Variants in RAP1GDS1 observed in about 807,000 individuals in gnomAD.
RAP1GDS1 encodes the protein Rap1 GTPase-GDP dissociation stimulator 1.
Under a neutral mutation model 71.1 loss-of-function variants are expected in RAP1GDS1, and 35 were observed. The ratio of observed to expected loss-of-function variants is 0.49; its 90% CI spans 0.38 to 0.65. The LOEUF (loss-of-function observed/expected upper bound fraction) is 0.65, where lower values mean the gene tolerates loss of function less well. Ranked by LOEUF, RAP1GDS1 falls within the 30% of genes least tolerant of loss-of-function variation. The probability of loss-of-function intolerance (pLI) is 0.00; values close to 1 mark genes in which losing one functional copy is unlikely to be tolerated. For missense variants in RAP1GDS1, 663 were observed against 706.1 expected, an observed-to-expected ratio of 0.94 and a Z score of 0.69; for synonymous variants, 229 against 243.1, an observed-to-expected ratio of 0.94 and a Z score of 0.54.
chr4:98,343,910 A>G (rs888482609), intron 3 of RAP1GDS1, among the ~76,000 whole-genome samples: 2 of 152,218 alleles, frequency 1.3e-5, no homozygotes, highest in African/African-American at 2.4e-5. Flanking sequence ...ATGTTTAAGC[A>G]TATAAGAAGG....
intron 1 of RAP1GDS1, among the ~76,000 whole-genome samples, chr4:98,285,352 G>C (rs1172892992): frequency 6.6e-6 from 1 of 152,100 alleles, no homozygotes. Context: ...CTAGCAGCCA[G>C]GAAAGAAATG....
intron 12 of RAP1GDS1, among the ~76,000 whole-genome samples, chr4:98,431,931 G>T (rs1398531591): frequency 6.6e-6 from 1 of 152,054 alleles, no homozygotes; most frequent in African/African-American, 2.4e-5. Context: ...GAGAGGGCAG[G>T]AATTTTTTTT....
chr4:98,325,550 A>C (rs1456970662), intron 2 of RAP1GDS1, among the ~76,000 whole-genome samples: 2 of 151,184 alleles, frequency 1.3e-5, no homozygotes, highest in African/African-American at 4.9e-5. Flanking sequence ...AGACTGGATT[A>C]AGAAAATGTG....
Position 98,443,027 on chromosome 4 carries a change from T to TTTTTTTTTTTTTTTTTTTTTTTTC in RAP1GDS1, c.*921_*922insTTTTTTTTTTTTCTTTTTTTTTTT. Reference sequence around the variant, plus strand: ...ATTGAAGAATGGAATTTTTTTTTTTTTTTTTTTTTTTGCTGTTTTTCATCA... The same window carrying TTTTTTTTTTTTTTTTTTTTTTTTC: ...ATTGAAGAATGGAATTTTTTTTTTTTTTTTTTTTTTTTTTTTTTTTTTTCTTTTTTTTTTTGCTGTTTTTCATCA... On this transcript the variant is annotated 3_prime_UTR_variant, in exon 15 of 15. Transcript: ENST00000408927. The TTTTTTTTTTTTTTTTTTTTTTTTC allele has an allele frequency of 4.6e-6, 1 of 216,684 alleles. No individual in the cohort carries two copies. Among genetic ancestry groups the TTTTTTTTTTTTTTTTTTTTTTTTC allele is most frequent in the African/African-American group, 2.3e-5 (1 of 43,408 alleles). The allele number at this position is 216,684 out of a possible 1,614,324, so 13.4% of individuals were successfully genotyped here.
chr4:98,379,911 TA>T (rs1268445617), intron 5 of RAP1GDS1, among the ~76,000 whole-genome samples: 1 of 151,896 alleles, frequency 6.6e-6, no homozygotes, highest in Non-Finnish European at 1.5e-5. Context: ...GTTTGTTTCA[TA>T]ATGGCATTTT....
At chr4:98,349,004 A>G (rs1028289424) in intron 3 of RAP1GDS1, among the ~76,000 whole-genome samples, 1 of 151,886 alleles carries the variant, frequency 6.6e-6, no homozygotes, top group African/African-American at 2.4e-5. Flanking sequence ...GGTTTTTGTT[A>G]CCATTGCTTT....
chr4:98,427,784 G>T (rs1214401584), intron 12 of RAP1GDS1, among the ~76,000 whole-genome samples: 5 of 152,044 alleles, frequency 3.3e-5, no homozygotes, highest in Admixed American at 3.3e-4. Context: ...TGACCATACT[G>T]CCAAAAGCAA....
At chr4:98,418,936 C>T in intron 10 of RAP1GDS1, 145 bp downstream of exon 10, 3 of 854,244 alleles carry the variant, frequency 3.5e-6, no homozygotes, top group Non-Finnish European at 4.9e-6. Context: ...TTTTTTCATG[C>T]TAATAAATGG....
At chr4:98,284,723 G>A (rs186776454) in intron 1 of RAP1GDS1, among the ~76,000 whole-genome samples, 3 of 152,248 alleles carry the variant, frequency 2.0e-5, no homozygotes, top group South Asian at 2.1e-4. Context: ...TGCTGCTTCC[G>A]CTCTGATTGT....
At chr4:98,423,437 T>C (rs1749160684) in intron 12 of RAP1GDS1, among the ~76,000 whole-genome samples, 1 of 152,246 alleles carries the variant, frequency 6.6e-6, no homozygotes, top group Admixed American at 6.5e-5. Flanking sequence ...CAAGTTAAGA[T>C]ATATGGACTT....
At chr4:98,358,415 T>G (rs1038802570) in intron 4 of RAP1GDS1, among the ~76,000 whole-genome samples, 1 of 152,022 alleles carries the variant, frequency 6.6e-6, no homozygotes, top group Non-Finnish European at 1.5e-5. Context: ...AGTGTGTTGT[T>G]TTTTGGTGGT....
intron 1 of RAP1GDS1, among the ~76,000 whole-genome samples, chr4:98,267,292 G>GTAT (rs1317882169): frequency 6.6e-6 from 1 of 152,044 alleles, no homozygotes; most frequent in African/African-American, 2.4e-5. Context: ...AGGAGGATTG[G>GTAT]TATTAGTTCC....
At chr4:98,326,129 T>G (rs1733037822) in intron 2 of RAP1GDS1, among the ~76,000 whole-genome samples, 1 of 150,926 alleles carries the variant, frequency 6.6e-6, no homozygotes, top group Admixed American at 6.7e-5. Flanking sequence ...AGTGCTTTGG[T>G]TTGATATTTC....
intron 4 of RAP1GDS1, among the ~76,000 whole-genome samples, chr4:98,367,526 C>T (rs1253734248): frequency 6.6e-6 from 1 of 152,212 alleles, no homozygotes; most frequent in Non-Finnish European, 1.5e-5. Context: ...CCATCAACAG[C>T]TTGCACCAGG....
intron 2 of RAP1GDS1, among the ~76,000 whole-genome samples, chr4:98,308,682 G>A (rs533962156): frequency 9.5e-4 from 144 of 152,008 alleles, no homozygotes; most frequent in Non-Finnish European, 1.7e-3. Context: ...TTGAATCAAG[G>A]TCATGCAGTA....
chr4:98,305,167 A>G (rs1052203400), intron 2 of RAP1GDS1, among the ~76,000 whole-genome samples: 10 of 152,102 alleles, frequency 6.6e-5, no homozygotes, highest in African/African-American at 2.4e-4. Flanking sequence ...TTTTGATTCC[A>G]TATGAATTTT....
intron 12 of RAP1GDS1, 144 bp from the exon 13 acceptor site, chr4:98,433,792 T>C (rs1354394285): frequency 4.3e-6 from 3 of 698,992 alleles, no homozygotes; most frequent in Non-Finnish European, 6.5e-6. Context: ...CCTTTTCTTC[T>C]GTGGAGAAAA....
chr4:98,265,159 C>T (rs973267418), intron 1 of RAP1GDS1, among the ~76,000 whole-genome samples: 2 of 151,990 alleles, frequency 1.3e-5, no homozygotes, highest in Non-Finnish European at 2.9e-5. Context: ...GGAGTTTGGA[C>T]GAAAATGTTT....
chr4:98,270,565 A>G (rs1280280116), intron 1 of RAP1GDS1, among the ~76,000 whole-genome samples: 2 of 152,204 alleles, frequency 1.3e-5, no homozygotes, highest in Admixed American at 6.5e-5. Flanking sequence ...GCTTCTATTT[A>G]TATAGCTTTT....
Sources: allele counts gnomAD v4.1 joint callset (sites outside exome capture counted in the v4.1 genomes callset), GRCh38; gene constraint gnomAD v4.1.1; transcripts MANE v1.5; gene names NCBI Gene and HGNC (gene_info 2026-07-23, HGNC 2026-07-21).